The following ZNF567 variants were observed in gnomAD, a reference collection of about 807,000 sequenced individuals.
The protein encoded by ZNF567 is zinc finger protein 567.
ZNF567 carries 36 observed loss-of-function variants against 53.9 expected under a neutral mutation model. The ratio of observed to expected loss-of-function variants is 0.67; its 90% CI spans 0.51 to 0.88. The LOEUF is 0.88. Among genes scored for constraint, ZNF567 ranks in the 40% least tolerant of loss-of-function variants. The pLI is 0.00. For synonymous variants in ZNF567, 224 were observed against 260.4 expected, an observed-to-expected ratio of 0.86 and a Z score of 1.35; for missense variants, 619 against 764.7, an observed-to-expected ratio of 0.81 and a Z score of 2.25.
chr19:36,695,231 A>T (rs78796235), intron 3 of ZNF567, among the ~76,000 whole-genome samples: 51 of 140,952 alleles, frequency 3.6e-4, no homozygotes, highest in African/African-American at 1.2e-3. Flanking sequence ...ACCAGAAATT[A>T]AAAAAAAAAA....
chr19:36,678,573 G>C, the ZNF567 span, among the ~76,000 whole-genome samples: 1 of 152,082 alleles, frequency 6.6e-6, no homozygotes, highest in Admixed American at 6.6e-5. Context: ...GGCCGGGTGC[G>C]GTGGCTCACG....
chr19:36,720,107 G>T lies in ZNF567; in HGVS notation c.1383G>T (p.Lys461Asn). Residue 461 changes from lysine (K) to asparagine (N), a missense_variant, in exon 6 of 6, where the codon AAG becomes AAT. Coordinates refer to ENST00000682579, the MANE Select transcript of ZNF567 (RefSeq NM_001322917.1). ...CSECGKSFRQ[K>N]TTLVAHQRTH... ...AATGTGGAAAGTCCTTCCGCCAGAA[G>T]ACAACCCTTGTAGCACATCAGAGAA... is the stretch of plus-strand genomic sequence containing the variant. 6.2e-7 allele frequency: 1 copy of T among 1,614,052 alleles called. No individual in the cohort carries two copies. Among genetic ancestry groups the T allele is most frequent in the Non-Finnish European group, 8.5e-7 (1 of 1,179,982 alleles).
At chr19:36,677,909 C>T in the ZNF567 span, among the ~76,000 whole-genome samples, 4 of 152,284 alleles carry the variant, frequency 2.6e-5, no homozygotes, top group Admixed American at 2.6e-4. Flanking sequence ...TGCAAACACT[C>T]AACTGTGTTT....
chr19:36,678,172 G>GAT, the ZNF567 span, among the ~76,000 whole-genome samples: 1 of 152,176 alleles, frequency 6.6e-6, no homozygotes, highest in Non-Finnish European at 1.5e-5. Flanking sequence ...ATGCTCAGCT[G>GAT]ATATGAAGAG....
chr19:36,702,711 T>A (rs1437472000), intron 3 of ZNF567, among the ~76,000 whole-genome samples: 1 of 152,232 alleles, frequency 6.6e-6, no homozygotes, highest in Non-Finnish European at 1.5e-5. Flanking sequence ...TTCCAGTTGA[T>A]CGCATCGGCT....
chr19:36,685,236 C>CA (rs1378953121), upstream of ZNF567, among the ~76,000 whole-genome samples: 1 of 152,056 alleles, frequency 6.6e-6, no homozygotes, highest in Non-Finnish European at 1.5e-5. Flanking sequence ...TGCAGTAAGT[C>CA]GAGATCACGC....
intron 3 of ZNF567, among the ~76,000 whole-genome samples, chr19:36,695,371 A>C (rs1020299323): frequency 1.3e-5 from 2 of 152,182 alleles, no homozygotes; most frequent in African/African-American, 4.8e-5. Flanking sequence ...TCTACTAAAA[A>C]TATAAAAATT....
the ZNF567 span, among the ~76,000 whole-genome samples, chr19:36,672,522 T>C: frequency 6.6e-6 from 1 of 152,288 alleles, no homozygotes; most frequent in East Asian, 1.9e-4. Flanking sequence ...AAAGTGGTCA[T>C]GATGGCAGTG....
chr19:36,700,286 G>A, intron 3 of ZNF567, among the ~76,000 whole-genome samples: 3 of 145,878 alleles, frequency 2.1e-5, no homozygotes, highest in African/African-American at 7.6e-5. Context: ...CTTGATCATG[G>A]TGGATAAGCT....
chr19:36,691,824 A>C (rs1021537099), intron 2 of ZNF567, among the ~76,000 whole-genome samples: 6 of 151,958 alleles, frequency 3.9e-5, no homozygotes, highest in African/African-American at 1.5e-4. Context: ...GTGTATTTTT[A>C]TTTTGCAGAG....
intron 2 of ZNF567, among the ~76,000 whole-genome samples, chr19:36,694,142 T>C (rs1354690291): frequency 6.6e-6 from 1 of 152,198 alleles, no homozygotes; most frequent in Non-Finnish European, 1.5e-5. Context: ...GCTAGAATAG[T>C]ACCACTGTAC....
upstream of ZNF567, among the ~76,000 whole-genome samples, chr19:36,684,117 G>A (rs2145476039): frequency 6.6e-6 from 1 of 152,244 alleles, no homozygotes; most frequent in South Asian, 2.1e-4. Flanking sequence ...GAACAGTGCA[G>A]CCATTAAAAG....
chr19:36,720,254 T>C lies in ZNF567; in HGVS notation c.1530T>C (p.Cys510=). 1.9e-6 allele frequency: 3 copies of C among 1,614,058 alleles called. No homozygotes were observed. Among genetic ancestry groups the C allele is most frequent in the Middle Eastern group, 1.7e-4 (1 of 6,060 alleles). The change falls in exon 6 of 6, where the codon TGT becomes TGC. Residue 510 remains cysteine (C), a synonymous_variant. Coordinates refer to ENST00000682579, the MANE Select transcript of ZNF567 (RefSeq NM_001322917.1). ...AGAAACCATATGAATGTAATGAATG[T>C]GGTAAATCATTCAGTCAAAAGACAA... ...TGEKPYECNE[C]GKSFSQKTNL...
chr19:36,709,375 A>G (rs1035288131), intron 3 of ZNF567, among the ~76,000 whole-genome samples: 7 of 152,216 alleles, frequency 4.6e-5, no homozygotes, highest in Non-Finnish European at 1.0e-4. Flanking sequence ...CTCATAAAGA[A>G]GAAAGGAAAT....
At chr19:36,682,613 AT>A (rs997139672), upstream of ZNF567, among the ~76,000 whole-genome samples, 85 of 130,688 alleles carry the variant, frequency 6.5e-4, 1 homozygote, top group Middle Eastern at 4.0e-3. Context: ...TATTATTATT[AT>A]TTTTTTTTTT....
At chr19:36,714,390 C>G in intron 5 of ZNF567, 1 of 392,796 alleles carries the variant, frequency 2.5e-6, no homozygotes, top group Non-Finnish European at 4.5e-6. Context: ...TCTCAAACTC[C>G]TGACCTTGTG....
chr19:36,681,603 A>AT, the ZNF567 span, among the ~76,000 whole-genome samples: 4 of 151,556 alleles, frequency 2.6e-5, no homozygotes, highest in Non-Finnish European at 5.9e-5. Flanking sequence ...AATTTTTTGT[A>AT]TTTTTTTGTA....
chr19:36,722,361 A>C (rs1231216552), downstream of ZNF567, among the ~76,000 whole-genome samples: 1 of 152,042 alleles, frequency 6.6e-6, no homozygotes, highest in Non-Finnish European at 1.5e-5. Context: ...GAGTGCAATG[A>C]CATGGTCTCA....
At chr19:36,698,097 C>A (rs2038984623) in intron 3 of ZNF567, among the ~76,000 whole-genome samples, 1 of 151,934 alleles carries the variant, frequency 6.6e-6, no homozygotes, top group African/African-American at 2.4e-5. Context: ...ACAACAGTCC[C>A]CAGAGTGTGA....
Sources: allele counts gnomAD v4.1 joint callset (sites outside exome capture counted in the v4.1 genomes callset), GRCh38; gene constraint gnomAD v4.1.1; transcripts MANE v1.5; gene names NCBI Gene and HGNC (gene_info 2026-07-23, HGNC 2026-07-21).